PTPN4: variants seen among roughly 807,000 people sequenced by gnomAD.
PTPN4 encodes the protein protein tyrosine phosphatase non-receptor type 4.
Under a neutral mutation model 135.5 loss-of-function variants are expected in PTPN4, and 49 were observed. The observed-to-expected ratio is 0.36, with a 90% CI of 0.29 to 0.46. PTPN4 has a LOEUF of 0.46. Ranked by LOEUF, PTPN4 falls within the 20% of genes least tolerant of loss-of-function variation. PTPN4 has a pLI of 1.00. For synonymous variants in PTPN4, 333 were observed against 369.9 expected, an observed-to-expected ratio of 0.90 and a Z score of 1.14; for missense variants, 860 against 1,101.0, an observed-to-expected ratio of 0.78 and a Z score of 3.10.
At chr2:119,905,585 G>A (rs1678474991) in intron 10 of PTPN4, among the ~76,000 whole-genome samples, 1 of 152,082 alleles carries the variant, frequency 6.6e-6, no homozygotes, top group Non-Finnish European at 1.5e-5. Context: ...AACAAACATT[G>A]GACTTAATCT....
intron 13 of PTPN4, among the ~76,000 whole-genome samples, chr2:119,931,433 C>CTTTTTTTTTTTTTTT (rs1158907026): frequency 4.8e-5 from 4 of 83,366 alleles, no homozygotes; most frequent in East Asian, 3.6e-4. Context: ...TTCTTTCTTT[C>CTTTTTTTTTTTTTTT]TTTTTTTTTT....
At chr2:119,953,952 A>G (rs988449888) in intron 19 of PTPN4, among the ~76,000 whole-genome samples, 1 of 152,176 alleles carries the variant, frequency 6.6e-6, no homozygotes, top group African/African-American at 2.4e-5. Context: ...CTTCTTGCAA[A>G]ATATCTTTCT....
At chr2:119,943,199 C>T (rs1298621682) in intron 15 of PTPN4, among the ~76,000 whole-genome samples, 1 of 152,160 alleles carries the variant, frequency 6.6e-6, no homozygotes, top group Non-Finnish European at 1.5e-5. Context: ...CATTATTAAT[C>T]CCAGCTGACT....
chr2:119,858,336 C>T (rs1206277201), intron 2 of PTPN4, among the ~76,000 whole-genome samples: 1 of 151,948 alleles, frequency 6.6e-6, no homozygotes, highest in Non-Finnish European at 1.5e-5. Flanking sequence ...TTTTAAGTTG[C>T]TTTCAAGATG....
intron 2 of PTPN4, among the ~76,000 whole-genome samples, chr2:119,844,383 G>A (rs1299300748): frequency 6.7e-6 from 1 of 148,340 alleles, no homozygotes; most frequent in East Asian, 2.1e-4. Context: ...GGACGGGGTG[G>A]CTGCCGGGCG....
chr2:119,952,872 C>G (rs1038567069), intron 19 of PTPN4, among the ~76,000 whole-genome samples: 4 of 152,192 alleles, frequency 2.6e-5, no homozygotes, highest in African/African-American at 9.7e-5. Context: ...CACTTTGTGG[C>G]TCCTGAAACA....
intron 9 of PTPN4, among the ~76,000 whole-genome samples, chr2:119,898,720 A>C (rs1344126773): frequency 1.3e-5 from 2 of 152,116 alleles, no homozygotes; most frequent in Non-Finnish European, 2.9e-5. Flanking sequence ...TAGACATTGG[A>C]ATTAATAACA....
chr2:119,925,534 T>C (rs1474491717), intron 12 of PTPN4, among the ~76,000 whole-genome samples: 1 of 152,150 alleles, frequency 6.6e-6, no homozygotes. Context: ...TTAAAACTTA[T>C]CCAAAGCACT....
chr2:119,930,527 C>T (rs945833385), intron 13 of PTPN4, among the ~76,000 whole-genome samples: 3 of 152,068 alleles, frequency 2.0e-5, no homozygotes, highest in African/African-American at 7.2e-5. Context: ...CATTTAGATA[C>T]AGAAACATAA....
intron 26 of PTPN4, among the ~76,000 whole-genome samples, chr2:119,969,837 C>A (rs142923646): frequency 2.6e-5 from 4 of 152,056 alleles, no homozygotes; most frequent in South Asian, 2.1e-4. Context: ...GGATTACAGG[C>A]GTGAGCCACC....
intron 9 of PTPN4, among the ~76,000 whole-genome samples, chr2:119,891,714 A>G (rs1432190329): frequency 6.6e-6 from 1 of 152,176 alleles, no homozygotes; most frequent in Non-Finnish European, 1.5e-5. Context: ...GTTTTTCAGA[A>G]TTCTCTTGGG....
At chr2:119,878,678 C>T (rs1423327243) in intron 5 of PTPN4, among the ~76,000 whole-genome samples, 2 of 143,532 alleles carry the variant, frequency 1.4e-5, no homozygotes, top group African/African-American at 2.6e-5. Flanking sequence ...GGGGTGGGTG[C>T]GCAGGTGTTC....
Position 119,819,906 on chromosome 2 carries a change from G to A in PTPN4, c.138+9915G>A, listed in dbSNP as rs1359712382. On this transcript the variant is annotated intron_variant, in intron 2 of 26. Coordinates refer to ENST00000263708, the MANE Select transcript of PTPN4 (RefSeq NM_002830.4). ...GACAGTGTCTTGCTCTATCTTCCAG[G>A]ATGGAATGTGGTAGTACCACCATAG... is the stretch of plus-strand genomic sequence containing the variant. Among the ~76,000 whole-genome samples, 5 of 152,012 alleles carry A rather than the reference G, an allele frequency of 3.3e-5. No individual in the cohort carries two copies. In the East Asian group the frequency reaches 7.7e-4, roughly 23 times the overall value.
intron 26 of PTPN4, among the ~76,000 whole-genome samples, chr2:119,969,552 C>CTTTTTTTTT (rs35531556): frequency 2.3e-4 from 26 of 113,896 alleles, no homozygotes; most frequent in African/African-American, 3.9e-4. Context: ...TAATCAATTT[C>CTTTTTTTTT]TTTTTTTTTT....
chr2:119,940,781 C>T lies in PTPN4; in HGVS notation c.1356-4300C>T, dbSNP rs143459866. On this transcript the variant is annotated intron_variant, in intron 15 of 26. Coordinates refer to ENST00000263708, the MANE Select transcript of PTPN4 (RefSeq NM_002830.4). Reference sequence around the variant, plus strand: ...CTAGTCTATTGGAATAAATTTTATGCTTCTGTGACAGATTTCTATGTACAA... The same window carrying T: ...CTAGTCTATTGGAATAAATTTTATGTTTCTGTGACAGATTTCTATGTACAA... Among the ~76,000 whole-genome samples, 487 of 152,220 alleles carry T rather than the reference C, an allele frequency of 3.2e-3. 2 individuals are homozygous for T. The highest frequency in any genetic ancestry group is 0.011 in the African/African-American group (460 of 41,532).
rs763535454 is a variant in PTPN4, at chr2:119,877,513, C to G, written c.339C>G (p.Asp113Glu). 1.9e-6 allele frequency: 3 copies of G among 1,609,498 alleles called. No individual in the cohort carries two copies. In the Admixed American group the frequency reaches 5.0e-5, roughly 27 times the overall value. ...TTAGAGTCAAATTTTTTGTAAGTGA[C>G]CCCAACAAGTTACAAGAAGAATATA... ...LNFRVKFFVS[D>E]PNKLQEEYTR... The change falls in exon 5 of 27, where the codon GAC (aspartate) becomes GAG (glutamate). Residue 113 changes from aspartate (D) to glutamate (E), a missense_variant. By Grantham distance (45) the Asp-to-Glu change is conservative. This residue lies in a region of PTPN4 where 684 missense variants were observed against 807.0 expected (regional missense o/e 0.85). Coordinates refer to ENST00000263708, the MANE Select transcript of PTPN4 (RefSeq NM_002830.4).
At chr2:119,776,603 T>C (rs1183671561) in intron 1 of PTPN4, among the ~76,000 whole-genome samples, 1 of 152,192 alleles carries the variant, frequency 6.6e-6, no homozygotes, top group East Asian at 1.9e-4. Context: ...CTTCTATCTC[T>C]GCCACCCAGA....
At chr2:119,835,210 A>AGATGGG (rs1327766000) in intron 2 of PTPN4, among the ~76,000 whole-genome samples, 1 of 152,082 alleles carries the variant, frequency 6.6e-6, no homozygotes, top group Non-Finnish European at 1.5e-5. Context: ...TTTGAGACAG[A>AGATGGG]GTCTCACTCT....
chr2:119,914,652 C>G (rs1678625144), intron 10 of PTPN4, among the ~76,000 whole-genome samples: 1 of 152,038 alleles, frequency 6.6e-6, no homozygotes, highest in Admixed American at 6.6e-5. Context: ...TTAAAGTTTA[C>G]AAAGACTGTG....
Sources: gnomAD v4.1 joint callset for allele counts (sites outside exome capture counted in the v4.1 genomes callset) on GRCh38, gnomAD v4.1.1 for gene constraint, gnomAD v4.1.1 regional missense constraint, MANE v1.5 for transcripts, NCBI Gene and HGNC (gene_info 2026-07-23, HGNC 2026-07-21) for gene names.